The following GRK1 variants were observed in gnomAD, a reference collection of about 807,000 sequenced individuals.
The protein encoded by GRK1 is rhodopsin kinase GRK1.
In GRK1, 28 loss-of-function variants were observed where a neutral mutation model predicts 41.7. The ratio of observed to expected loss-of-function variants is 0.67; its 90% CI spans 0.50 to 0.92. The LOEUF (loss-of-function observed/expected upper bound fraction) is 0.92, where lower values mean the gene tolerates loss of function less well. Ranked by LOEUF, GRK1 falls within the 40% of genes least tolerant of loss-of-function variation. The pLI is 0.00. For missense variants in GRK1, 703 were observed against 671.2 expected, an observed-to-expected ratio of 1.05 and a Z score of -0.52; for synonymous variants, 327 against 286.7, an observed-to-expected ratio of 1.14 and a Z score of -1.42.
At chr13:113,653,099 T>C in the GRK1 span, 8 of 1,593,946 alleles carry the variant, frequency 5.0e-6, no homozygotes, top group Non-Finnish European at 4.3e-6. Flanking sequence ...CTGCCAGCCC[T>C]GTCCTGCCCT....
intron 6 of GRK1, among the ~76,000 whole-genome samples, chr13:113,733,632 T>C (rs527479471): frequency 4.7e-5 from 7 of 149,642 alleles, no homozygotes; most frequent in African/African-American, 1.5e-4. Context: ...CATACGTGTG[T>C]GCTCATGTAT....
the GRK1 span, chr13:113,658,140 G>A: frequency 5.3e-5 from 86 of 1,611,556 alleles, no homozygotes; most frequent in Admixed American, 3.3e-4. Flanking sequence ...CTGCAGAGCC[G>A]CCATCGTCCC....
the GRK1 span, among the ~76,000 whole-genome samples, chr13:113,649,699 A>AC: frequency 2.0e-5 from 3 of 151,964 alleles, no homozygotes; most frequent in South Asian, 4.2e-4. This position sits in a 1 kb window ranked among gnomAD's most constrained non-coding sequence, Gnocchi z 4.7. Context: ...CTGAGATAAC[A>AC]CCCCCCATGT....
At chr13:113,657,529 C>T in the GRK1 span, among the ~76,000 whole-genome samples, 1 of 152,206 alleles carries the variant, frequency 6.6e-6, no homozygotes, top group Non-Finnish European at 1.5e-5. Context: ...GGGCAGACCT[C>T]GCACAAGGCG....
At chr13:113,727,213 G>A (rs543418459) in intron 4 of GRK1, among the ~76,000 whole-genome samples, 3 of 152,266 alleles carry the variant, frequency 2.0e-5, no homozygotes, top group East Asian at 1.9e-4. Context: ...CAGAGCAGAC[G>A]TCTGCCAAGG....
At chr13:113,651,277 C>T in the GRK1 span, among the ~76,000 whole-genome samples, 1 of 152,242 alleles carries the variant, frequency 6.6e-6, no homozygotes, top group Non-Finnish European at 1.5e-5. Flanking sequence ...GATGCCAACT[C>T]TTAGCAGTCT....
At chr13:113,653,218 T>TGCTTCACACCTCACCCACCCGCC in the GRK1 span, 50 of 1,365,880 alleles carry the variant, frequency 3.7e-5, no homozygotes, top group African/African-American at 2.2e-4. Flanking sequence ...CCTCACCTGC[T>TGCTTCACACCTCACCCACCCGCC]GCTTCACACC....
chr13:113,730,100 G>A (rs1359996881), intron 4 of GRK1, among the ~76,000 whole-genome samples: 2 of 96,134 alleles, frequency 2.1e-5, no homozygotes, highest in African/African-American at 4.4e-5. Context: ...GCCCAGACCC[G>A]CCCCTCCATC....
the GRK1 span, chr13:113,652,943 C>T: frequency 6.2e-7 from 1 of 1,614,118 alleles, no homozygotes; most frequent in African/African-American, 1.3e-5. Context: ...CAGGCCTGAG[C>T]AGTTCTGCAG....
chr13:113,730,676 T>C (rs1309161515), intron 4 of GRK1, among the ~76,000 whole-genome samples: 2 of 152,150 alleles, frequency 1.3e-5, no homozygotes, highest in African/African-American at 4.8e-5. Context: ...GGACCACCTC[T>C]CTGGAGAGGA....
In GRK1 at chr13:113,671,763, G is replaced by C; in HGVS notation, c.985+107G>C. The C allele has an allele frequency of 1.5e-6, 1 of 684,168 alleles. No homozygotes were observed. The allele number at this position is 684,168 out of a possible 1,614,324, so 42.4% of individuals were successfully genotyped here. ...CACGAGGGCTGACGGCTGTGTGGACGGTGGGGGTTCATGAGGGCTGACGGC... is the reference window on the plus strand; with the variant it reads ...CACGAGGGCTGACGGCTGTGTGGACCGTGGGGGTTCATGAGGGCTGACGGC... On this transcript the variant is annotated intron_variant, in intron 3 of 6. Transcript: ENST00000335678. The surrounding 1 kb of genome is among the most constrained non-coding windows in gnomAD (Gnocchi z 4.1).
At position 113,732,409 on chromosome 13, in the gene GRK1, G is replaced by A. The variant is rs145392493; in HGVS notation, c.1195-475G>A. On this transcript the variant is annotated intron_variant, in intron 5 of 6. Coordinates refer to ENST00000335678, the MANE Select transcript of GRK1 (RefSeq NM_002929.3). ...TGCCAGGGCAACCCGTGGGAGTAGC[G>A]TCAATGGCCTGATCCGGGGGCCTTG... 7.7e-3 allele frequency among the ~76,000 whole-genome samples: 1,175 copies of A among 152,320 alleles called. 18 individuals are homozygous for A. Among genetic ancestry groups the A allele is most frequent in the African/African-American group, 0.027 (1,119 of 41,568 alleles).
At chr13:113,733,712 C>G (rs564382130) in intron 6 of GRK1, among the ~76,000 whole-genome samples, 1 of 107,882 alleles carries the variant, frequency 9.3e-6, no homozygotes, top group African/African-American at 3.3e-5. Context: ...TGCGTGTGTG[C>G]GCACGTGTGT....
Position 113,728,787 on chromosome 13 carries a change from C to T in GRK1, c.1070-2432C>T, listed in dbSNP as rs887619939. Reference sequence around the variant, plus strand: ...TCAGTGTGTGGCTGTGGCCTCGAACCTCATCCCTATGAAGAAGGAGGGATG... The same window carrying T: ...TCAGTGTGTGGCTGTGGCCTCGAACTTCATCCCTATGAAGAAGGAGGGATG... On this transcript the variant is annotated intron_variant, in intron 4 of 6. Coordinates refer to ENST00000335678, the MANE Select transcript of GRK1 (RefSeq NM_002929.3). 1.3e-4 allele frequency among the ~76,000 whole-genome samples: 20 copies of T among 152,316 alleles called. 1 individual carries two copies. In the South Asian group the frequency reaches 4.1e-3, roughly 32 times the overall value.
At chr13:113,668,224 CG>C in intron 1 of GRK1, 139 bp downstream of exon 1, 1 of 916,644 alleles carries the variant, frequency 1.1e-6, no homozygotes, top group Non-Finnish European at 1.6e-6. Flanking sequence ...ATGCCAGCCT[CG>C]CCACGTGGGC....
Position 113,671,061 on chromosome 13 carries a change from C to T in GRK1, c.828-438C>T, listed in dbSNP as rs769484703. On this transcript the variant is annotated intron_variant, in intron 2 of 6. Transcript: ENST00000335678. This position sits in a 1 kb window ranked among gnomAD's most constrained non-coding sequence, Gnocchi z 4.1. ...GTTTTGCTTCTCTGCAAAACCTGTC[C>T]GTGGAAAACATAAGAGATGATGTTC... is the stretch of plus-strand genomic sequence containing the variant. 2.6e-5 allele frequency among the ~76,000 whole-genome samples: 4 copies of T among 152,106 alleles called. No individual in the cohort carries two copies. Among genetic ancestry groups the T allele is most frequent in the South Asian group, 2.1e-4 (1 of 4,824 alleles).
At chr13:113,733,242 CATCATCCCAGCCCCAGGACAAGCCGA>C (rs1215037050) in intron 6 of GRK1, 157 bp downstream of exon 6, 2 of 240,140 alleles carry the variant, frequency 8.3e-6, no homozygotes, top group East Asian at 3.6e-4. Context: ...GTCCTCCACT[CATCATCCCAGCCCCAGGACAAGCCGA>C]TGGAGCCGGC....
the GRK1 span, among the ~76,000 whole-genome samples, chr13:113,657,028 C>A: frequency 8.5e-5 from 13 of 152,248 alleles, no homozygotes; most frequent in African/African-American, 3.1e-4. Flanking sequence ...GCGCCCATGA[C>A]TCCAGCTGGC....
At chr13:113,727,050 T>C (rs2049893611) in intron 4 of GRK1, among the ~76,000 whole-genome samples, 1 of 152,182 alleles carries the variant, frequency 6.6e-6, no homozygotes, top group Non-Finnish European at 1.5e-5. Context: ...CCGTCATGGG[T>C]CTCCCAACGG....
Sources: allele counts gnomAD v4.1 joint callset (sites outside exome capture counted in the v4.1 genomes callset), GRCh38; gene constraint gnomAD v4.1.1; non-coding constraint Gnocchi (gnomAD v3.1); transcripts MANE v1.5; gene names NCBI Gene and HGNC (gene_info 2026-07-23, HGNC 2026-07-21).